Variants in PPM1E observed in about 807,000 individuals in gnomAD.
PPM1E encodes protein phosphatase, Mg2+/Mn2+ dependent 1E.
In PPM1E, 20 loss-of-function variants were observed where a neutral mutation model predicts 65.9. The ratio of observed to expected loss-of-function variants is 0.30; its 90% CI spans 0.21 to 0.44. The LOEUF is 0.44. Among genes scored for constraint, PPM1E ranks in the 20% least tolerant of loss-of-function variants. The pLI, the probability that PPM1E is intolerant of heterozygous loss-of-function variation, is 1.00. For missense variants in PPM1E, 713 were observed against 953.1 expected, an observed-to-expected ratio of 0.75 and a Z score of 3.32; for synonymous variants, 352 against 374.9, an observed-to-expected ratio of 0.94 and a Z score of 0.70.
chr17:58,983,953 G>A lies in PPM1E; in HGVS notation c.*2922G>A, dbSNP rs1271903112. ...AAAGGGAGTCAGTCCCTAATTTACA[G>A]GTTTCCTTTGTTCACTTTCTAGATG... On this transcript the variant is annotated 3_prime_UTR_variant, in exon 7 of 7. Coordinates refer to ENST00000308249, the MANE Select transcript of PPM1E (RefSeq NM_014906.5). 1 of 152,580 alleles carries A rather than the reference G, an allele frequency of 6.6e-6. No individual in the cohort carries two copies. Among genetic ancestry groups the A allele is most frequent in the Non-Finnish European group, 1.5e-5 (1 of 68,026 alleles). 9.5% of individuals were successfully genotyped at this position (152,580 alleles called of 1,614,324 possible).
chr17:58,825,560 TTTGTTG>T (rs529746618), intron 1 of PPM1E, among the ~76,000 whole-genome samples: 1 of 151,994 alleles, frequency 6.6e-6, no homozygotes, highest in African/African-American at 2.4e-5. Context: ...TCTGTTGTTT[TTTGTTG>T]TTGTTGTTGT....
In PPM1E at chr17:58,983,943, C is replaced by CTAAT. The variant is rs1159355335; in HGVS notation, c.*2914_*2917dup. 1 of 152,584 alleles carries CTAAT rather than the reference C, an allele frequency of 6.6e-6. No individual in the cohort carries two copies. The highest frequency in any genetic ancestry group is 2.4e-5 in the African/African-American group (1 of 41,430). 9.5% of individuals were successfully genotyped at this position (152,584 alleles called of 1,614,324 possible). On this transcript the variant is annotated 3_prime_UTR_variant, in exon 7 of 7. Transcript: ENST00000308249. ...TGTGAGTTTCAAAGGGAGTCAGTCC[C>CTAAT]TAATTTACAGGTTTCCTTTGTTCAC... is the stretch of plus-strand genomic sequence containing the variant.
At chr17:58,865,484 G>A (rs1412774969) in intron 1 of PPM1E, among the ~76,000 whole-genome samples, 2 of 152,176 alleles carry the variant, frequency 1.3e-5, no homozygotes, top group Non-Finnish European at 2.9e-5. Flanking sequence ...GGTGAGGCGG[G>A]AAGATCATTT....
chr17:58,826,985 G>A (rs971227476), intron 1 of PPM1E, among the ~76,000 whole-genome samples: 3 of 151,890 alleles, frequency 2.0e-5, no homozygotes, highest in Admixed American at 2.0e-4. Context: ...TTATAGGAAT[G>A]ATGGATCATG....
At chr17:58,900,943 C>T (rs2051491611) in intron 1 of PPM1E, among the ~76,000 whole-genome samples, 1 of 152,150 alleles carries the variant, frequency 6.6e-6, no homozygotes, top group Admixed American at 6.5e-5. Context: ...TACCTTACAA[C>T]TATCCTTTGA....
chr17:58,888,493 A>G (rs2051308377), intron 1 of PPM1E, among the ~76,000 whole-genome samples: 1 of 151,024 alleles, frequency 6.6e-6, no homozygotes, highest in Admixed American at 6.6e-5. Context: ...CCTCCCGAGT[A>G]GCTGGGATTA....
intron 1 of PPM1E, 72 bp from the exon 2 acceptor site, chr17:58,955,577 A>G (rs746980207): frequency 1.0e-4 from 151 of 1,488,022 alleles, no homozygotes; most frequent in Non-Finnish European, 1.3e-4. Flanking sequence ...TTAATATGTA[A>G]TTATTATAAC....
At chr17:58,890,328 A>T (rs1485712050) in intron 1 of PPM1E, among the ~76,000 whole-genome samples, 1 of 152,224 alleles carries the variant, frequency 6.6e-6, no homozygotes, top group East Asian at 1.9e-4. Flanking sequence ...TATCAGCATT[A>T]TGCATGGGGA....
At chr17:58,816,077 G>A (rs1172751682) in intron 1 of PPM1E, among the ~76,000 whole-genome samples, 5 of 152,038 alleles carry the variant, frequency 3.3e-5, no homozygotes, top group Non-Finnish European at 7.4e-5. Context: ...CCAGGCTGGA[G>A]TGCAGTAGCA....
At chr17:58,977,709 CCTA>C (rs2031099061) in intron 6 of PPM1E, among the ~76,000 whole-genome samples, 1 of 152,068 alleles carries the variant, frequency 6.6e-6, no homozygotes, top group African/African-American at 2.4e-5. Context: ...AGCTTTCTAG[CCTA>C]TTTGAGGATT....
chr17:58,775,662 C>T (rs556679017), intron 1 of PPM1E, among the ~76,000 whole-genome samples: 113 of 151,718 alleles, frequency 7.4e-4, no homozygotes, highest in Non-Finnish European at 1.2e-3. Flanking sequence ...CGCCTGTAAT[C>T]CCAGCACTTT....
chr17:58,756,389 T>C lies in PPM1E; in HGVS notation c.392T>C (p.Leu131Pro). ...CCTTTGCCCCCGCTCCCGCGACCGC[T>C]GTCAGAGCGCATCACCCGCGAGGAG... Reference protein sequence around the residue: ...LPPLPPLPRPLSERITREEVE... With the variant: ...LPPLPPLPRPPSERITREEVE... The change falls in exon 1 of 7, where the codon CTG becomes CCG. Residue 131 changes from leucine to proline, a missense_variant. This residue lies in a region of PPM1E where 212 missense variants were observed against 204.0 expected (regional missense o/e 1.04). Coordinates refer to ENST00000308249, the MANE Select transcript of PPM1E (RefSeq NM_014906.5). 1.5e-6 allele frequency: 2 copies of C among 1,368,262 alleles called. No homozygotes were observed. The highest frequency in any genetic ancestry group is 1.9e-6 in the Non-Finnish European group (2 of 1,062,956). The allele number at this position is 1,368,262 out of a possible 1,614,324, so 84.8% of individuals were successfully genotyped here. A position where few individuals can be genotyped will look rare whatever the true frequency, so the allele number is the denominator to read the frequency against.
At chr17:58,973,162 A>G (rs2030749221) in intron 6 of PPM1E, among the ~76,000 whole-genome samples, 1 of 152,234 alleles carries the variant, frequency 6.6e-6, no homozygotes, top group Non-Finnish European at 1.5e-5. Context: ...TCATGCCTGT[A>G]ATCCCAACAC....
chr17:58,781,700 A>G (rs1005344935), intron 1 of PPM1E, among the ~76,000 whole-genome samples: 14 of 151,718 alleles, frequency 9.2e-5, no homozygotes, highest in African/African-American at 3.4e-4. Context: ...TCAGAGTTCC[A>G]TACCAGCGAA....
chr17:58,863,047 G>A (rs1258347397), intron 1 of PPM1E, among the ~76,000 whole-genome samples: 1 of 152,180 alleles, frequency 6.6e-6, no homozygotes, highest in East Asian at 1.9e-4. Context: ...TTTGCTTTGT[G>A]GAATGTCTGA....
intron 1 of PPM1E, among the ~76,000 whole-genome samples, chr17:58,882,169 C>T (rs570419104): frequency 1.3e-3 from 196 of 151,954 alleles, no homozygotes; most frequent in Non-Finnish European, 2.0e-3. Context: ...GAGACCCAGT[C>T]TCAAAGCAAA....
intron 1 of PPM1E, among the ~76,000 whole-genome samples, chr17:58,924,595 A>T (rs1459413300): frequency 6.6e-6 from 1 of 152,124 alleles, no homozygotes; most frequent in Non-Finnish European, 1.5e-5. Flanking sequence ...GTTTCGGGAT[A>T]CAAGTGCAGA....
At chr17:58,891,832 C>CAT (rs2051349727) in intron 1 of PPM1E, among the ~76,000 whole-genome samples, 1 of 85,496 alleles carries the variant, frequency 1.2e-5, no homozygotes, top group Non-Finnish European at 2.1e-5. Flanking sequence ...TTTTCTTTTT[C>CAT]TTTTTTTTTT....
chr17:58,875,478 C>A (rs1567860902), intron 1 of PPM1E, among the ~76,000 whole-genome samples: 1 of 152,094 alleles, frequency 6.6e-6, no homozygotes, highest in Non-Finnish European at 1.5e-5. Flanking sequence ...AATGAATGGG[C>A]AAATATATAT....
Sources: gnomAD v4.1 joint callset for allele counts (sites outside exome capture counted in the v4.1 genomes callset) on GRCh38, gnomAD v4.1.1 for gene constraint, gnomAD v4.1.1 regional missense constraint, MANE v1.5 for transcripts, NCBI Gene and HGNC (gene_info 2026-07-23, HGNC 2026-07-21) for gene names.